The following DOCK7 variants were observed in gnomAD, a reference collection of about 807,000 sequenced individuals.
DOCK7 encodes dedicator of cytokinesis 7, also known as dedicator of cytokinesis protein 7.
In DOCK7, 138 loss-of-function variants were observed where a neutral mutation model predicts 271.0. The observed-to-expected ratio is 0.51, with a 90% CI of 0.44 to 0.59. The LOEUF (loss-of-function observed/expected upper bound fraction) is 0.59. DOCK7 is among the 20% of genes least tolerant of loss of function. The pLI is 0.00. For missense variants in DOCK7, 2,066 were observed against 2,592.4 expected, an observed-to-expected ratio of 0.80 and a Z score of 4.41; for synonymous variants, 823 against 876.1, an observed-to-expected ratio of 0.94 and a Z score of 1.07.
intron 14 of DOCK7, among the ~76,000 whole-genome samples, chr1:62,614,887 TATC>T (rs2149576085): frequency 6.6e-6 from 1 of 152,004 alleles, no homozygotes; most frequent in Admixed American, 6.5e-5. Flanking sequence ...TCTTGAATAA[TATC>T]ATTTTGTTCA....
intron 42 of DOCK7, 103 bp from the exon 43 acceptor site, chr1:62,487,515 AAG>A: frequency 1.1e-6 from 1 of 939,636 alleles, no homozygotes; most frequent in South Asian, 1.5e-5. Flanking sequence ...CCACAAACAG[AAG>A]ACAGCAGGAT....
At chr1:62,585,003 G>T (rs1367907188) in intron 15 of DOCK7, 2 of 478,680 alleles carry the variant, frequency 4.2e-6, no homozygotes, top group African/African-American at 4.0e-5. Context: ...CTCACACATA[G>T]GCTGACCAAG....
intron 43 of DOCK7, chr1:62,478,560 T>C (rs1192979659): frequency 1.3e-5 from 2 of 152,246 alleles, no homozygotes; most frequent in Non-Finnish European, 2.9e-5. Context: ...ATTACAGGCA[T>C]ATGCCACCAC....
chr1:62,598,892 T>C (rs1320966700), intron 14 of DOCK7: 3 of 827,760 alleles, frequency 3.6e-6, no homozygotes, highest in African/African-American at 3.4e-5. Context: ...AAGCTTTAAC[T>C]GGATCATGAG....
chr1:62,461,256 A>C lies in DOCK7; in HGVS notation c.6213-3551T>G, dbSNP rs114567533. ...AGTACTGGACGTCCTAAATATCATT[A>C]TAAGACAAGAAAAAGATTCTACAGA... On this transcript the variant is annotated intron_variant, in intron 48 of 49. Coordinates refer to ENST00000635253, the MANE Select transcript of DOCK7 (RefSeq NM_001367561.1). Among the ~76,000 whole-genome samples the C allele has an allele frequency of 3.4e-3, 513 of 152,300 alleles. 3 individuals are homozygous for C. The highest frequency in any genetic ancestry group is 0.012 in the African/African-American group (494 of 41,580).
chr1:62,510,725 C>A, intron 33 of DOCK7, 52 bp from the exon 34 acceptor site: 1 of 1,366,274 alleles, frequency 7.3e-7, no homozygotes, highest in South Asian at 1.2e-5. Context: ...AGTTGGACCA[C>A]ATATATGTAT....
At chr1:62,612,082 G>A (rs1557801110) in intron 14 of DOCK7, among the ~76,000 whole-genome samples, 1 of 152,068 alleles carries the variant, frequency 6.6e-6, no homozygotes, top group Non-Finnish European at 1.5e-5. Context: ...CTTGAACCCG[G>A]GAGGCAGAGG....
chr1:62,581,768 C>T (rs984031635), intron 16 of DOCK7, among the ~76,000 whole-genome samples: 3 of 151,322 alleles, frequency 2.0e-5, no homozygotes, highest in African/African-American at 7.3e-5. Flanking sequence ...AAGAAGTGTT[C>T]AAAGAGGTAG....
intron 2 of DOCK7, 110 bp downstream of exon 2, chr1:62,662,915 G>A (rs538979235): frequency 3.9e-6 from 3 of 768,216 alleles, no homozygotes; most frequent in Admixed American, 4.8e-5. Context: ...TAACAAGTAA[G>A]GTTATGAGAC....
intron 23 of DOCK7, 92 bp from the exon 24 acceptor site, chr1:62,543,837 G>C: frequency 1.2e-6 from 1 of 859,608 alleles, no homozygotes; most frequent in Non-Finnish European, 1.8e-6. Context: ...GTTTAAAACA[G>C]AGTTTTATTA....
At chr1:62,480,779 C>T (rs1194327186) in intron 43 of DOCK7, among the ~76,000 whole-genome samples, 1 of 151,916 alleles carries the variant, frequency 6.6e-6, no homozygotes, top group Non-Finnish European at 1.5e-5. Context: ...GAGGCCAAGG[C>T]GGGGGGGATC....
In DOCK7 at chr1:62,564,085, C is replaced by T. The variant is rs949725320; in HGVS notation, c.2113-2382G>A. ...GATTCATAAAGCAAGTTATTAGAGA[C>T]CTACAAAGACACTTAGACTCCCACA... On this transcript the variant is annotated intron_variant, in intron 18 of 49. Transcript: ENST00000635253. Among the ~76,000 whole-genome samples the T allele has an allele frequency of 3.3e-5, 5 of 152,058 alleles. No homozygotes were observed. The East Asian group carries it at 9.7e-4, about 30-fold the overall frequency.
intron 5 of DOCK7, 31 bp from the exon 6 acceptor site, chr1:62,648,349 T>C (rs1165994100): frequency 2.1e-6 from 3 of 1,435,630 alleles, no homozygotes; most frequent in Admixed American, 4.9e-5. Context: ...TATAAATATA[T>C]TAATTAATAA....
At chr1:62,466,425 A>G (rs533543246) in intron 48 of DOCK7, among the ~76,000 whole-genome samples, 1 of 152,330 alleles carries the variant, frequency 6.6e-6, no homozygotes, top group East Asian at 1.9e-4. Flanking sequence ...TGAAGGGAAA[A>G]GGTAAAAGCT....
rs1254316274 is a variant in DOCK7, at chr1:62,648,147, G to C, written c.691C>G (p.Arg231Gly). 1 of 1,613,170 alleles carries C rather than the reference G, an allele frequency of 6.2e-7. No individual in the cohort carries two copies. Among genetic ancestry groups the C allele is most frequent in the Non-Finnish European group, 8.5e-7 (1 of 1,179,610 alleles). The part of the protein sequence containing the change: ...RQNDDQRKSN[R>G]HKELFALHPS... The stretch of plus-strand genomic sequence containing the variant: ...TGCAAAGCAAAAAGTTCTTTGTGAC[G>C]GTTTGATTTCCTTTGGTCATCATTC... Residue 231 changes from arginine to glycine, a missense_variant, in exon 6 of 50, where the codon CGT becomes GGT. Coordinates refer to ENST00000635253, the MANE Select transcript of DOCK7 (RefSeq NM_001367561.1).
At chr1:62,603,593 T>C (rs1273265219) in intron 14 of DOCK7, among the ~76,000 whole-genome samples, 1 of 151,800 alleles carries the variant, frequency 6.6e-6, no homozygotes, top group Non-Finnish European at 1.5e-5. Context: ...ATCTCTTGAC[T>C]GTATATGGAT....
At chr1:62,458,014 T>C (rs1217389135) in intron 48 of DOCK7, 1 of 237,636 alleles carries the variant, frequency 4.2e-6, no homozygotes. Flanking sequence ...TAGCCAGGCA[T>C]GGTGGTGCAC....
At chr1:62,469,462 T>C (rs1190425486) in intron 48 of DOCK7, among the ~76,000 whole-genome samples, 1 of 152,094 alleles carries the variant, frequency 6.6e-6, no homozygotes, top group Non-Finnish European at 1.5e-5. Context: ...AAACTATAAC[T>C]AGAAGATAGC....
intron 4 of DOCK7, among the ~76,000 whole-genome samples, chr1:62,650,069 G>A (rs1483931036): frequency 6.6e-6 from 1 of 152,136 alleles, no homozygotes; most frequent in Non-Finnish European, 1.5e-5. Context: ...GAGAGACCTT[G>A]TCCCAAGTAA....
Sources: allele counts gnomAD v4.1 joint callset (sites outside exome capture counted in the v4.1 genomes callset), GRCh38; gene constraint gnomAD v4.1.1; transcripts MANE v1.5; gene names NCBI Gene and HGNC (gene_info 2026-07-23, HGNC 2026-07-21).